The following BTBD9 variants were observed in gnomAD, a reference collection of about 807,000 sequenced individuals.
The protein encoded by BTBD9 is BTB domain containing 9, also known as BTB/POZ domain-containing protein 9.
BTBD9 carries 49 observed loss-of-function variants against 64.3 expected under a neutral mutation model. That is an observed-to-expected ratio of 0.76 (90% CI 0.61 to 0.97). The LOEUF is 0.97. Ranked by LOEUF, BTBD9 falls within the 50% of genes least tolerant of loss-of-function variation. The pLI is 0.00. For synonymous variants in BTBD9, 260 were observed against 274.7 expected (o/e 0.95, Z 0.53); for missense variants, 598 against 762.1 (o/e 0.78, Z 2.53).
In BTBD9 at chr6:38,634,672, G is replaced by A. The variant is rs1256750909; in HGVS notation, c.-28+5128C>T. Reference sequence around the variant, plus strand: ...AAGAAATTTTCTGTAGTTATTTTGTGTGTGTGTAAAATTAGAAATCATATC... The same window carrying A: ...AAGAAATTTTCTGTAGTTATTTTGTATGTGTGTAAAATTAGAAATCATATC... On this transcript the variant is annotated intron_variant, in intron 1 of 10. Coordinates refer to ENST00000481247, the MANE Select transcript of BTBD9 (RefSeq NM_001099272.2). 1.3e-5 allele frequency among the ~76,000 whole-genome samples: 2 copies of A among 152,088 alleles called. 1 individual carries two copies. Among genetic ancestry groups the A allele is most frequent in the African/African-American group, 4.8e-5 (2 of 41,402 alleles).
chr6:38,196,422 A>C (rs1178673689), intron 9 of BTBD9, among the ~76,000 whole-genome samples: 1 of 152,234 alleles, frequency 6.6e-6, no homozygotes. Flanking sequence ...AATTACATTC[A>C]GCCAGTGAGA....
intron 6 of BTBD9, among the ~76,000 whole-genome samples, chr6:38,348,303 T>C (rs1764367537): frequency 6.6e-6 from 1 of 152,216 alleles, no homozygotes; most frequent in South Asian, 2.1e-4. Context: ...ATTTTCTCTG[T>C]CACAAGAAAT....
At position 38,184,323 on chromosome 6, in the gene BTBD9, G is replaced by A. The variant is rs563471513; in HGVS notation, c.1641+8196C>T. 2.6e-5 allele frequency among the ~76,000 whole-genome samples: 4 copies of A among 152,280 alleles called. No homozygotes were observed. The highest frequency in any genetic ancestry group is 4.4e-5 in the Non-Finnish European group (3 of 68,024). ...TGCCTCCTCTCTGGCCCAGTACCTC[G>A]CATGCACCATACAGGGCCTCCGTGC... On this transcript the variant is annotated intron_variant, in intron 10 of 10. Transcript: ENST00000481247. The surrounding 1 kb of genome is among the most constrained non-coding windows in gnomAD (Gnocchi z 4.4).
chr6:38,242,445 G>T (rs1158384274), intron 9 of BTBD9, among the ~76,000 whole-genome samples: 1 of 152,214 alleles, frequency 6.6e-6, no homozygotes, highest in Non-Finnish European at 1.5e-5. Flanking sequence ...CATTAGATGA[G>T]AACTTGGGAA....
At chr6:38,190,111 T>A (rs1253580560) in intron 10 of BTBD9, among the ~76,000 whole-genome samples, 1 of 152,092 alleles carries the variant, frequency 6.6e-6, no homozygotes, top group African/African-American at 2.4e-5. Context: ...TGCACCTGGC[T>A]TATTGTGCCT....
chr6:38,337,030 G>A (rs1428431909), intron 7 of BTBD9, among the ~76,000 whole-genome samples: 2 of 152,146 alleles, frequency 1.3e-5, no homozygotes, highest in Non-Finnish European at 2.9e-5. Flanking sequence ...AATAGGACTT[G>A]GAAAAGCACA....
intron 6 of BTBD9, among the ~76,000 whole-genome samples, chr6:38,550,300 T>C (rs896369534): frequency 2.1e-5 from 3 of 143,224 alleles, no homozygotes; most frequent in African/African-American, 5.4e-5. Flanking sequence ...TCATCCTTGA[T>C]TTCTTTTTCT....
At chr6:38,584,363 A>G (rs1776420273) in intron 4 of BTBD9, among the ~76,000 whole-genome samples, 1 of 152,292 alleles carries the variant, frequency 6.6e-6, no homozygotes, top group Admixed American at 6.5e-5. Context: ...ACAAGATAGT[A>G]GATAATCATA....
chr6:38,472,694 C>T (rs146819788), intron 6 of BTBD9, among the ~76,000 whole-genome samples: 34 of 152,192 alleles, frequency 2.2e-4, no homozygotes, highest in African/African-American at 7.5e-4. Context: ...ATTTTGGTTC[C>T]TACCTTCATT....
chr6:38,451,088 T>C (rs998506908), intron 6 of BTBD9, among the ~76,000 whole-genome samples: 2 of 152,166 alleles, frequency 1.3e-5, no homozygotes, highest in Non-Finnish European at 2.9e-5. Flanking sequence ...GCTTTTCCAA[T>C]CACATATGAT....
intron 7 of BTBD9, among the ~76,000 whole-genome samples, chr6:38,319,188 G>C (rs968547838): frequency 6.6e-6 from 1 of 152,128 alleles, no homozygotes; most frequent in African/African-American, 2.4e-5. Context: ...AGTAGGTCCA[G>C]AAATGTTGTC....
intron 6 of BTBD9, among the ~76,000 whole-genome samples, chr6:38,537,054 T>C (rs985807077): frequency 1.3e-5 from 2 of 152,186 alleles, no homozygotes; most frequent in Non-Finnish European, 2.9e-5. Context: ...TTATTACACA[T>C]TGTATGCCTG....
In BTBD9 at chr6:38,592,726, T is replaced by A. The variant is rs761418444; in HGVS notation, c.664A>T (p.Met222Leu). Residue 222 changes from methionine to leucine, a missense_variant, in exon 4 of 11, where the codon ATG becomes TTG. Met to Leu is a conservative substitution (Grantham distance 15). Coordinates refer to ENST00000481247, the MANE Select transcript of BTBD9 (RefSeq NM_001099272.2). The part of the protein sequence containing the change: ...HNSKENHAEI[M>L]QAVRLPLMSL... The stretch of plus-strand genomic sequence containing the variant: ...ATGAGAGGTAAACGCACAGCCTGCA[T>A]GATTTCAGCATGATTCTCCTTTGAA... The A allele has an allele frequency of 3.7e-6, 6 of 1,614,246 alleles. No homozygotes were observed. The highest frequency in any genetic ancestry group is 3.3e-5 in the South Asian group (3 of 91,086).
At chr6:38,397,584 A>G (rs1766737154) in intron 6 of BTBD9, among the ~76,000 whole-genome samples, 2 of 152,232 alleles carry the variant, frequency 1.3e-5, no homozygotes, top group Non-Finnish European at 2.9e-5. Flanking sequence ...TGCAGTGGCC[A>G]TACTTCAGCG....
At chr6:38,612,783 A>T (rs1777654603) in intron 1 of BTBD9, 1 of 152,124 alleles carries the variant, frequency 6.6e-6, no homozygotes, top group Non-Finnish European at 1.5e-5. Context: ...GTCTGAGATG[A>T]AGAGGCCAGG....
intron 7 of BTBD9, among the ~76,000 whole-genome samples, chr6:38,337,055 A>T (rs745556156): frequency 1.2e-4 from 18 of 152,312 alleles, no homozygotes; most frequent in South Asian, 1.0e-3. Flanking sequence ...CCTGGTCTAG[A>T]CTAGTTCAGA....
In BTBD9 at chr6:38,312,889, G is replaced by A. The variant is rs187931643; in HGVS notation, c.1265-24428C>T. On this transcript the variant is annotated intron_variant, in intron 7 of 10. Coordinates refer to ENST00000481247, the MANE Select transcript of BTBD9 (RefSeq NM_001099272.2). ...GTTCAGGACATCTTTGGCTATTCCA[G>A]GTCTTTTGTGGTTCCATATAAATTT... Among the ~76,000 whole-genome samples the A allele has an allele frequency of 5.7e-3, 871 of 152,220 alleles. 6 individuals are homozygous for A. The highest frequency in any genetic ancestry group is 9.9e-3 in the Non-Finnish European group (671 of 67,998).
chr6:38,212,534 GAA>G (rs1762868678), intron 9 of BTBD9, among the ~76,000 whole-genome samples: 1 of 152,146 alleles, frequency 6.6e-6, no homozygotes, highest in Non-Finnish European at 1.5e-5. Context: ...GAATTTTGCT[GAA>G]ATTTGCCTGA....
At chr6:38,233,001 C>T (rs1306166105) in intron 9 of BTBD9, among the ~76,000 whole-genome samples, 1 of 152,174 alleles carries the variant, frequency 6.6e-6, no homozygotes, top group Admixed American at 6.5e-5. Flanking sequence ...AAATTTTAGG[C>T]AGGATGGTCA....
Sources: gnomAD v4.1 joint callset for allele counts (sites outside exome capture counted in the v4.1 genomes callset) on GRCh38, gnomAD v4.1.1 for gene constraint, Gnocchi (gnomAD v3.1) non-coding constraint, MANE v1.5 for transcripts, NCBI Gene and HGNC (gene_info 2026-07-23, HGNC 2026-07-21) for gene names.